Variants in NSD3 observed in about 807,000 individuals in gnomAD.
NSD3 encodes nuclear receptor binding SET domain protein 3.
In NSD3, 24 loss-of-function variants were observed where a neutral mutation model predicts 160.8. That is an observed-to-expected ratio of 0.15 (90% confidence interval 0.11 to 0.21). The LOEUF is 0.21. Ranked by LOEUF, NSD3 falls within the 10% of genes least tolerant of loss-of-function variation. The pLI, the probability that NSD3 is intolerant of heterozygous loss-of-function variation, is 1.00. For missense variants in NSD3, 1,157 were observed against 1,735.9 expected (o/e 0.67, Z 5.93); for synonymous variants, 520 against 600.0 (o/e 0.87, Z 1.95).
At chr8:38,344,839 C>T (rs1454174888) in intron 2 of NSD3, among the ~76,000 whole-genome samples, 2 of 152,138 alleles carry the variant, frequency 1.3e-5, no homozygotes, top group East Asian at 3.9e-4. Context: ...CTTCTCAGTT[C>T]TCTACAATGC....
At chr8:38,287,994 G>C (rs943854728) in intron 19 of NSD3, among the ~76,000 whole-genome samples, 1 of 151,986 alleles carries the variant, frequency 6.6e-6, no homozygotes, top group African/African-American at 2.4e-5. Context: ...AGCACTGTGG[G>C]AGGCCAAGGC....
At chr8:38,291,427 T>C (rs1442555089) in intron 16 of NSD3, among the ~76,000 whole-genome samples, 2 of 152,232 alleles carry the variant, frequency 1.3e-5, no homozygotes, top group African/African-American at 4.8e-5. Flanking sequence ...GTAGTAAATA[T>C]ACATAGACTT....
intron 1 of NSD3, among the ~76,000 whole-genome samples, chr8:38,372,490 A>C (rs1381349687): frequency 1.3e-5 from 2 of 148,526 alleles, no homozygotes; most frequent in African/African-American, 2.5e-5. Context: ...TGAATTCTTC[A>C]GGTTCTTTTT....
At chr8:38,282,625 C>T (rs533121836) in intron 19 of NSD3, among the ~76,000 whole-genome samples, 94 of 152,236 alleles carry the variant, frequency 6.2e-4, no homozygotes, top group Middle Eastern at 3.4e-3. Flanking sequence ...GGGCCGAGAT[C>T]GCGCCACTGC....
intron 3 of NSD3, 66 bp downstream of exon 3, chr8:38,338,470 T>C (rs1490480542): frequency 5.4e-6 from 7 of 1,306,776 alleles, no homozygotes; most frequent in Non-Finnish European, 6.7e-6. Context: ...TGTGTTGCAA[T>C]TCAATCACTG....
rs757865328 is a variant in NSD3 at position 38,337,311 on chromosome 8, T to C, written c.904A>G (p.Thr302Ala). ...TGTTTATGCCTTTTCTTACCTCTTG[T>C]GTTAATTTTAGTATGAACCTCAAGC... ...PQLEVHTKIN[T>A]RGAREYHVQF... is the part of the protein sequence containing the mutation. The change falls in exon 4 of 24, where the codon ACA (threonine) becomes GCA (alanine). Residue 302 changes from threonine (T) to alanine (A), a missense_variant. Physicochemically the swap from Thr to Ala is moderately conservative, Grantham distance 58. Transcript: ENST00000317025. The C allele has an allele frequency of 4.4e-6, 7 of 1,600,294 alleles. No homozygotes were observed. The highest frequency in any genetic ancestry group is 1.7e-4 in the Middle Eastern group (1 of 5,994).
rs570314003 is a variant in NSD3 at position 38,312,790 on chromosome 8, C to T, written c.2242+1857G>A. Reference sequence around the variant, plus strand: ...CAAGCAGATACTGGCACTATCCTTTCTATACAGCCTGCAGAATTGTGAGCC... The same window carrying T: ...CAAGCAGATACTGGCACTATCCTTTTTATACAGCCTGCAGAATTGTGAGCC... On this transcript the variant is annotated intron_variant, in intron 12 of 23. Transcript: ENST00000317025. 2.0e-5 allele frequency among the ~76,000 whole-genome samples: 3 copies of T among 152,282 alleles called. No homozygotes were observed. The East Asian group carries it at 5.8e-4, about 29-fold the overall frequency.
intron 10 of NSD3, 92 bp from the exon 11 acceptor site, chr8:38,315,636 A>C: frequency 2.0e-6 from 3 of 1,526,978 alleles, no homozygotes; most frequent in Non-Finnish European, 2.7e-6. Context: ...ACTTGCTCAA[A>C]CATTAGATCT....
At chr8:38,276,687 A>C in intron 22 of NSD3, 187 bp from the exon 23 acceptor site, 2 of 644,522 alleles carry the variant, frequency 3.1e-6, no homozygotes, top group South Asian at 2.0e-5. Context: ...CTGACTTAAA[A>C]ATTATTTTAT....
At position 38,271,003 on chromosome 8, in the gene NSD3, TTTTCCC is replaced by T. The variant is rs1289257531; in HGVS notation, c.*4632_*4637del. On this transcript the variant is annotated 3_prime_UTR_variant, in exon 24 of 24. Coordinates refer to ENST00000317025, the MANE Select transcript of NSD3 (RefSeq NM_023034.2). ...GTAAGTGCAATTTTTTGTTTTGTTT[TTTTCCC>T]TACATAGACATAGTAAAAGGAAAGA... is the stretch of plus-strand genomic sequence containing the variant. 5 of 152,172 alleles carry T rather than the reference TTTTCCC, an allele frequency of 3.3e-5. No individual in the cohort carries two copies. Among genetic ancestry groups the T allele is most frequent in the Non-Finnish European group, 2.9e-5 (2 of 68,022 alleles). The allele number at this position is 152,172 out of a possible 1,614,324, so 9.4% of individuals were successfully genotyped here.
At chr8:38,276,071 C>T in intron 23 of NSD3, 189 bp from the exon 24 acceptor site, 2 of 779,194 alleles carry the variant, frequency 2.6e-6, no homozygotes, top group Non-Finnish European at 4.0e-6. Flanking sequence ...TGGCCAAAAC[C>T]CAACGCCACA....
intron 14 of NSD3, among the ~76,000 whole-genome samples, chr8:38,301,016 G>C (rs1183056792): frequency 6.6e-6 from 1 of 152,106 alleles, no homozygotes; most frequent in East Asian, 1.9e-4. Context: ...TGTCACCCAG[G>C]CTGGAGTCCA....
At chr8:38,283,069 G>A (rs537646669) in intron 19 of NSD3, among the ~76,000 whole-genome samples, 1 of 152,208 alleles carries the variant, frequency 6.6e-6, no homozygotes, top group South Asian at 2.1e-4. Context: ...CTATACCATC[G>A]TTATGTTCCC....
intron 7 of NSD3, among the ~76,000 whole-genome samples, chr8:38,323,614 T>C (rs1377309967): frequency 6.6e-6 from 1 of 152,002 alleles, no homozygotes; most frequent in Non-Finnish European, 1.5e-5. Flanking sequence ...GCCCAGGAGT[T>C]CGAGACCAGC....
rs1810059065 is a variant in NSD3 at position 38,331,422 on chromosome 8, G to A, written c.1065+9C>T. On this transcript the variant is annotated intron_variant, in intron 5 of 23. Transcript: ENST00000317025. ...CATACTAGGTAAATAATATTAACAT[G>A]TTAGTTACCTTTTGTTTCTCAGAGT... 2 of 1,588,696 alleles carry A rather than the reference G, an allele frequency of 1.3e-6. No individual in the cohort carries two copies. Among genetic ancestry groups the A allele is most frequent in the East Asian group, 2.3e-5 (1 of 44,174 alleles).
intron 16 of NSD3, among the ~76,000 whole-genome samples, chr8:38,293,922 C>CAAAA (rs11290856): frequency 1.6e-3 from 82 of 49,946 alleles, no homozygotes; most frequent in South Asian, 3.6e-3. Flanking sequence ...GACTCCGTCT[C>CAAAA]AAAAAAAAAA....
chr8:38,303,269 G>A lies in NSD3; in HGVS notation c.2611+1318C>T, dbSNP rs77084132. ...ATCATTACTTTCTTAGGAATGCAGA[G>A]ATGGGAAAGGCAATGAGTGACACCT... is the stretch of plus-strand genomic sequence containing the variant. On this transcript the variant is annotated intron_variant, in intron 14 of 23. Transcript: ENST00000317025. 4.0e-4 allele frequency: 394 copies of A among 985,400 alleles called. 2 individuals are homozygous for A. In the African/African-American group the frequency reaches 6.6e-3, roughly 17 times the overall value. 61.0% of individuals were successfully genotyped at this position (985,400 alleles called of 1,614,324 possible). A position where few individuals can be genotyped will look rare whatever the true frequency, so the allele number is the denominator to read the frequency against.
At position 38,375,536 on chromosome 8, in the gene NSD3, AC is replaced by A. The variant is rs202053650; in HGVS notation, c.-45+6262del. ...TACAGAAGTGTTTAAAGTCTTTATTACATATTTACTAACAGCAACAGTAAAA... is the reference window on the plus strand; with the variant it reads ...TACAGAAGTGTTTAAAGTCTTTATTAATATTTACTAACAGCAACAGTAAAA... On this transcript the variant is annotated intron_variant, in intron 1 of 23. Transcript: ENST00000317025. 5.9e-4 allele frequency among the ~76,000 whole-genome samples: 90 copies of A among 152,308 alleles called. 2 individuals are homozygous for A. In the East Asian group the frequency reaches 0.016, roughly 27 times the overall value.
intron 1 of NSD3, among the ~76,000 whole-genome samples, chr8:38,362,100 GA>G (rs1186649942): frequency 6.6e-6 from 1 of 151,700 alleles, no homozygotes; most frequent in Non-Finnish European, 1.5e-5. Context: ...AAAATTCCAG[GA>G]AATAAAAACA....
Sources: allele counts gnomAD v4.1 joint callset (sites outside exome capture counted in the v4.1 genomes callset), GRCh38; gene constraint gnomAD v4.1.1; transcripts MANE v1.5; gene names NCBI Gene and HGNC (gene_info 2026-07-23, HGNC 2026-07-21).